The following SLC6A16 variants were observed in gnomAD, a reference collection of about 807,000 sequenced individuals.
SLC6A16 encodes the protein orphan sodium- and chloride-dependent neurotransmitter transporter NTT5.
In SLC6A16, 54 loss-of-function variants were observed where a neutral mutation model predicts 65.4. The ratio of observed to expected loss-of-function variants is 0.83; its 90% CI spans 0.66 to 1.04. The LOEUF is 1.04. SLC6A16 is among the 50% of genes least tolerant of loss of function. The pLI is 0.00. For missense variants in SLC6A16, 816 were observed against 914.0 expected, an observed-to-expected ratio of 0.89 and a Z score of 1.38; for synonymous variants, 330 against 346.5, an observed-to-expected ratio of 0.95 and a Z score of 0.53.
At position 49,310,436 on chromosome 19, in the gene SLC6A16, C is replaced by A; in HGVS notation, c.490G>T (p.Gly164Cys). ...VPLLFLEMAA[G>C]QSMRQGGMGV... ...ATGCCACCCTGACGCATGCTCTGAC[C>A]AGCTGCCATCTCCAGGAAGAGAAGA... Residue 164 changes from glycine (G) to cysteine (C), a missense_variant, in exon 3 of 12, where the codon GGT (glycine) becomes TGT (cysteine). By Grantham distance (159) the Gly-to-Cys change is radical (BLOSUM62 -3). Coordinates refer to ENST00000335875, the MANE Select transcript of SLC6A16 (RefSeq NM_014037.3). 6.2e-7 allele frequency: 1 copy of A among 1,614,110 alleles called. No individual in the cohort carries two copies. Among genetic ancestry groups the A allele is most frequent in the South Asian group, 1.1e-5 (1 of 91,072 alleles).
the SLC6A16 span, among the ~76,000 whole-genome samples, chr19:49,330,637 A>G: frequency 3.9e-5 from 6 of 152,246 alleles, no homozygotes; most frequent in African/African-American, 1.2e-4. Context: ...GTCACCAGGA[A>G]GGCTTGTTAA....
the SLC6A16 span, chr19:49,339,291 C>A: frequency 6.3e-7 from 1 of 1,576,252 alleles, no homozygotes; most frequent in Non-Finnish European, 8.7e-7. The surrounding 1 kb of genome is among the most constrained non-coding windows in gnomAD (Gnocchi z 4.5). Flanking sequence ...CTTGAGAGTC[C>A]CAGAAAGAAT....
At chr19:49,336,058 G>A in the SLC6A16 span, 37 of 509,818 alleles carry the variant, frequency 7.3e-5, 1 homozygote, top group Non-Finnish European at 1.2e-4. Context: ...CCTTCCCCTC[G>A]CTTGAGGTTC....
rs1324855705 is a variant in SLC6A16, at chr19:49,325,157, G to A, written c.-174C>T. On this transcript the variant is annotated 5_prime_UTR_variant, in exon 1 of 12. The change creates a new upstream start codon in the 5' untranslated region. Transcript: ENST00000335875. ...GCAATCTCCTCAGGCCCCTTCAGGCGTCGACAGATCGGTTTGGGCGACACC... is the reference window on the plus strand; with the variant it reads ...GCAATCTCCTCAGGCCCCTTCAGGCATCGACAGATCGGTTTGGGCGACACC... 2.0e-6 allele frequency: 2 copies of A among 985,382 alleles called. No individual in the cohort carries two copies. The highest frequency in any genetic ancestry group is 2.4e-6 in the Non-Finnish European group (2 of 829,968). The allele number at this position is 985,382 out of a possible 1,614,324, so 61.0% of individuals were successfully genotyped here.
intron 1 of SLC6A16, 140 bp from the exon 2 acceptor site, chr19:49,311,551 T>A: frequency 1.9e-6 from 1 of 513,422 alleles, no homozygotes; most frequent in East Asian, 3.4e-5. Flanking sequence ...CTTGCATAAG[T>A]TTCACTTCTT....
the SLC6A16 span, among the ~76,000 whole-genome samples, chr19:49,331,315 G>T: frequency 1.1e-3 from 164 of 152,022 alleles, 1 homozygote; most frequent in Non-Finnish European, 2.0e-3. Context: ...TGAGTAGCTG[G>T]GACTGTAGGT....
chr19:49,296,993 A>AAT (rs1970199012), intron 7 of SLC6A16, among the ~76,000 whole-genome samples: 2 of 152,074 alleles, frequency 1.3e-5, no homozygotes, highest in South Asian at 2.1e-4. Context: ...TATCTCAAAA[A>AAT]ATATATATAT....
At chr19:49,327,235 TG>T (rs1328882514), upstream of SLC6A16, among the ~76,000 whole-genome samples, 1 of 152,016 alleles carries the variant, frequency 6.6e-6, no homozygotes, top group Non-Finnish European at 1.5e-5. Flanking sequence ...CCATTACGCC[TG>T]GTTAATTTTC....
intron 1 of SLC6A16, among the ~76,000 whole-genome samples, chr19:49,317,533 G>T (rs950823203): frequency 6.6e-6 from 1 of 152,044 alleles, no homozygotes; most frequent in Non-Finnish European, 1.5e-5. Flanking sequence ...TAGGCCAGGC[G>T]CCGTGGCTCA....
chr19:49,326,164 C>T (rs1036816115), upstream of SLC6A16, among the ~76,000 whole-genome samples: 14 of 149,192 alleles, frequency 9.4e-5, no homozygotes, highest in African/African-American at 2.2e-4. Context: ...AGCAAGACTC[C>T]GTCTCAAAAA....
At chr19:49,295,770 G>C in intron 7 of SLC6A16, among the ~76,000 whole-genome samples, 1 of 152,136 alleles carries the variant, frequency 6.6e-6, no homozygotes, top group Non-Finnish European at 1.5e-5. Flanking sequence ...GGGGGCCATG[G>C]AGGCCAGATA....
chr19:49,339,325 C>G, the SLC6A16 span: 42 of 1,613,500 alleles, frequency 2.6e-5, no homozygotes, highest in Middle Eastern at 1.6e-4. This position sits in a 1 kb window ranked among gnomAD's most constrained non-coding sequence, Gnocchi z 4.5. Flanking sequence ...CCCTACACCC[C>G]CCAGGGCTGC....
the SLC6A16 span, chr19:49,337,993 C>G: frequency 6.2e-7 from 1 of 1,614,020 alleles, no homozygotes. Flanking sequence ...CCGAGGAGAC[C>G]GCGGCCGAGG....
chr19:49,337,068 C>T, the SLC6A16 span: 11 of 1,613,926 alleles, frequency 6.8e-6, no homozygotes, highest in Non-Finnish European at 9.3e-6. Context: ...CCTAGGAACA[C>T]TCCTATCCCC....
intron 1 of SLC6A16, among the ~76,000 whole-genome samples, chr19:49,311,734 A>G (rs908202939): frequency 6.6e-6 from 1 of 151,072 alleles, no homozygotes; most frequent in Non-Finnish European, 1.5e-5. Flanking sequence ...CTGTAATCCC[A>G]GCTACTCGGG....
At position 49,290,733 on chromosome 19, in the gene SLC6A16, G is replaced by A. The variant is rs1180725989; in HGVS notation, c.1813C>T (p.Pro605Ser). Residue 605 changes from proline to serine, a missense_variant, in exon 11 of 12, where the codon CCC becomes TCC. Physicochemically the swap from Pro to Ser is moderately conservative, Grantham distance 74 (BLOSUM62 -1). Transcript: ENST00000335875. Reference protein sequence around the residue: ...LADLTILLGHPISPIFGWLWP... With the variant: ...LADLTILLGHSISPIFGWLWP... ...AGCCAACCAAAGATGGGAGAGATGG[G>A]GTGGCCCAACAGGATCGTCAGGTCT... 1.2e-6 allele frequency: 2 copies of A among 1,612,974 alleles called. No individual in the cohort carries two copies. Among genetic ancestry groups the A allele is most frequent in the Non-Finnish European group, 1.7e-6 (2 of 1,179,572 alleles).
chr19:49,337,523 G>A, the SLC6A16 span: 6 of 789,474 alleles, frequency 7.6e-6, no homozygotes, highest in African/African-American at 1.8e-5. Flanking sequence ...TTGGGAGGTC[G>A]AGGTGGGAGG....
At chr19:49,300,721 C>G (rs1970272973) in intron 7 of SLC6A16, among the ~76,000 whole-genome samples, 1 of 152,114 alleles carries the variant, frequency 6.6e-6, no homozygotes, top group Non-Finnish European at 1.5e-5. Flanking sequence ...CTCCCTTTCT[C>G]TATAAAGAGC....
intron 1 of SLC6A16, among the ~76,000 whole-genome samples, chr19:49,314,274 C>CTAAAA: frequency 6.6e-6 from 1 of 152,152 alleles, no homozygotes; most frequent in South Asian, 2.1e-4. Context: ...AACCAACAGA[C>CTAAAA]TAAAACAAGA....
Sources: allele counts gnomAD v4.1 joint callset (sites outside exome capture counted in the v4.1 genomes callset), GRCh38; gene constraint gnomAD v4.1.1; non-coding constraint Gnocchi (gnomAD v3.1); transcripts MANE v1.5; gene names NCBI Gene and HGNC (gene_info 2026-07-23, HGNC 2026-07-21).